ZNF385D: variants seen among roughly 807,000 people sequenced by gnomAD.
ZNF385D encodes the protein zinc finger protein 385D.
A neutral mutation model predicts 35.8 loss-of-function variants in ZNF385D; 15 were observed. That is an observed-to-expected ratio of 0.42 (90% confidence interval 0.28 to 0.64). ZNF385D has a LOEUF of 0.64. Ranked by LOEUF, ZNF385D falls within the 30% of genes least tolerant of loss-of-function variation. The pLI, the probability that ZNF385D is intolerant of heterozygous loss-of-function variation, is 0.23. For synonymous variants in ZNF385D, 212 were observed against 186.8 expected (o/e 1.13, Z -1.10); for missense variants, 474 against 494.6 (o/e 0.96, Z 0.39).
chr3:21,998,164 G>C (rs567975160), intron 3 of ZNF385D, among the ~76,000 whole-genome samples: 100 of 152,190 alleles, frequency 6.6e-4, no homozygotes, highest in Non-Finnish European at 1.1e-3. Flanking sequence ...TCCTTTCCCA[G>C]AAAGTTAGTG....
intron 3 of ZNF385D, among the ~76,000 whole-genome samples, chr3:21,773,616 A>G (rs13065561): frequency 0.38 from 57,335 of 151,806 alleles, 11,228 homozygotes; most frequent in Middle Eastern, 0.54. Context: ...CAAAGAACAC[A>G]AACAGACACT....
At chr3:22,331,502 T>G (rs531565203) in intron 2 of ZNF385D, among the ~76,000 whole-genome samples, 1 of 152,300 alleles carries the variant, frequency 6.6e-6, no homozygotes, top group African/African-American at 2.4e-5. Context: ...TTCATAAAAT[T>G]ACCTAACGCA....
chr3:22,261,311 G>A (rs1700618939), intron 2 of ZNF385D, among the ~76,000 whole-genome samples: 1 of 152,008 alleles, frequency 6.6e-6, no homozygotes, highest in Non-Finnish European at 1.5e-5. Context: ...TAAAAATGGT[G>A]CAGTATAATA....
chr3:22,235,679 G>A (rs776139332), intron 2 of ZNF385D, among the ~76,000 whole-genome samples: 5 of 152,032 alleles, frequency 3.3e-5, no homozygotes, highest in African/African-American at 4.8e-5. Flanking sequence ...AGTATATTTG[G>A]AGTCAAAAAC....
chr3:21,661,679 A>G (rs1184062061), intron 2 of ZNF385D, among the ~76,000 whole-genome samples: 1 of 152,208 alleles, frequency 6.6e-6, no homozygotes, highest in Admixed American at 6.5e-5. Context: ...GAAAGCTACT[A>G]GAACATCAAG....
intron 2 of ZNF385D, among the ~76,000 whole-genome samples, chr3:22,209,828 A>G (rs1466319872): frequency 1.3e-5 from 2 of 151,764 alleles, no homozygotes; most frequent in East Asian, 1.9e-4. Flanking sequence ...CTCAGAATAT[A>G]TGTGGTGATT....
chr3:22,171,006 T>A (rs978421230), intron 2 of ZNF385D, among the ~76,000 whole-genome samples: 5 of 152,214 alleles, frequency 3.3e-5, no homozygotes, highest in African/African-American at 4.8e-5. Flanking sequence ...AAACTTGACT[T>A]AGAAAAAGTA....
chr3:21,673,151 A>C (rs927293988), intron 1 of ZNF385D, among the ~76,000 whole-genome samples: 2 of 152,148 alleles, frequency 1.3e-5, no homozygotes, highest in Non-Finnish European at 2.9e-5. Context: ...CACACCATGA[A>C]TCATAACTAA....
At chr3:22,304,046 G>A (rs564144487) in intron 2 of ZNF385D, among the ~76,000 whole-genome samples, 1 of 152,148 alleles carries the variant, frequency 6.6e-6, no homozygotes, top group South Asian at 2.1e-4. Context: ...CCAGTGTTGG[G>A]ATTACAGGCG....
intron 2 of ZNF385D, among the ~76,000 whole-genome samples, chr3:22,268,186 G>C (rs941318515): frequency 1.3e-5 from 2 of 151,916 alleles, no homozygotes; most frequent in African/African-American, 2.4e-5. Context: ...GACAACCCCA[G>C]CTGTCCAACA....
At chr3:21,846,286 A>AT (rs1352068598) in intron 3 of ZNF385D, among the ~76,000 whole-genome samples, 1 of 151,998 alleles carries the variant, frequency 6.6e-6, no homozygotes, top group Non-Finnish European at 1.5e-5. Flanking sequence ...AGCTTTTCAC[A>AT]TTTTTAGACT....
chr3:22,035,327 C>T (rs760151515), intron 3 of ZNF385D, among the ~76,000 whole-genome samples: 23 of 152,120 alleles, frequency 1.5e-4, no homozygotes, highest in Non-Finnish European at 2.8e-4. Context: ...TCCCAGTGCC[C>T]ATCTAGCAAT....
chr3:21,929,330 G>A (rs1042365125), intron 3 of ZNF385D, among the ~76,000 whole-genome samples: 2 of 151,874 alleles, frequency 1.3e-5, no homozygotes, highest in Admixed American at 6.6e-5. Flanking sequence ...CTAATAAAGG[G>A]CATCTATAAA....
At chr3:22,091,959 G>A (rs1174640028) in intron 3 of ZNF385D, among the ~76,000 whole-genome samples, 1 of 152,150 alleles carries the variant, frequency 6.6e-6, no homozygotes, top group Non-Finnish European at 1.5e-5. Context: ...TACAATGACT[G>A]TTGGGACTGT....
At position 21,625,324 on chromosome 3, in the gene ZNF385D, G is replaced by A. The variant is rs142820422; in HGVS notation, c.165+39562C>T. On this transcript the variant is annotated intron_variant, in intron 2 of 7. Coordinates refer to ENST00000281523, the MANE Select transcript of ZNF385D (RefSeq NM_024697.3). ...TTAATATATGAAATGATCCAAAGGA[G>A]GACAATCAGGAAGGATGACATGAGA... 1.4e-3 allele frequency among the ~76,000 whole-genome samples: 208 copies of A among 152,122 alleles called. 2 individuals are homozygous for A. The East Asian group carries it at 0.039, about 28-fold the overall frequency.
At chr3:22,092,708 C>A (rs1198917116) in intron 3 of ZNF385D, among the ~76,000 whole-genome samples, 1 of 151,998 alleles carries the variant, frequency 6.6e-6, no homozygotes, top group African/African-American at 2.4e-5. Flanking sequence ...TAGCAAATCC[C>A]CTCTTACAGT....
At chr3:22,156,248 A>G (rs1705572477) in intron 3 of ZNF385D, among the ~76,000 whole-genome samples, 1 of 152,088 alleles carries the variant, frequency 6.6e-6, no homozygotes, top group Non-Finnish European at 1.5e-5. Flanking sequence ...AGAAAAACAC[A>G]TAAAATATTG....
chr3:21,525,972 T>C (rs1003156872), intron 3 of ZNF385D, among the ~76,000 whole-genome samples: 10 of 152,196 alleles, frequency 6.6e-5, no homozygotes, highest in Non-Finnish European at 1.0e-4. Context: ...AATTTACTTT[T>C]TGTAGACAAG....
intron 2 of ZNF385D, among the ~76,000 whole-genome samples, chr3:22,287,006 A>G (rs1702058827): frequency 6.6e-6 from 1 of 151,776 alleles, no homozygotes; most frequent in Non-Finnish European, 1.5e-5. Flanking sequence ...ATTAGACTCT[A>G]TCTATCCCTT....
Sources: gnomAD v4.1 joint callset for allele counts (sites outside exome capture counted in the v4.1 genomes callset) on GRCh38, gnomAD v4.1.1 for gene constraint, MANE v1.5 for transcripts, NCBI Gene and HGNC (gene_info 2026-07-23, HGNC 2026-07-21) for gene names.